The following CTNNA2 variants were observed in gnomAD, a reference collection of about 807,000 sequenced individuals.
CTNNA2 encodes the protein catenin alpha 2.
A neutral mutation model predicts 101.0 loss-of-function variants in CTNNA2; 42 were observed. The ratio of observed to expected loss-of-function variants is 0.42; its 90% CI spans 0.32 to 0.54. The LOEUF is 0.54. Ranked by LOEUF, CTNNA2 falls within the 20% of genes least tolerant of loss-of-function variation. The pLI, the probability that CTNNA2 is intolerant of heterozygous loss-of-function variation, is 0.14. For synonymous variants in CTNNA2, 450 were observed against 456.4 expected, an observed-to-expected ratio of 0.99 and a Z score of 0.18; for missense variants, 871 against 1,223.1, an observed-to-expected ratio of 0.71 and a Z score of 4.29.
At chr2:79,926,375 A>T (rs547565740) in intron 7 of CTNNA2, among the ~76,000 whole-genome samples, 1 of 152,190 alleles carries the variant, frequency 6.6e-6, no homozygotes, top group Non-Finnish European at 1.5e-5. Flanking sequence ...ATTTTGCAGC[A>T]TACATAAGTT....
At chr2:79,712,929 G>A (rs1431024878) in intron 2 of CTNNA2, among the ~76,000 whole-genome samples, 1 of 152,098 alleles carries the variant, frequency 6.6e-6, no homozygotes, top group Non-Finnish European at 1.5e-5. Context: ...ATAAGAATAC[G>A]TTAATTCTAG....
chr2:79,235,265 C>G (rs937942419), intron 2 of CTNNA2, among the ~76,000 whole-genome samples: 5 of 152,158 alleles, frequency 3.3e-5, no homozygotes, highest in African/African-American at 4.8e-5. Context: ...GGACCTTTGC[C>G]TTAGTTTTCC....
chr2:80,462,802 G>A (rs908101588), intron 9 of CTNNA2, among the ~76,000 whole-genome samples: 1 of 151,816 alleles, frequency 6.6e-6, no homozygotes, highest in East Asian at 1.9e-4. Flanking sequence ...TATCCTCAAC[G>A]GTGTCTTCTC....
intron 1 of CTNNA2, among the ~76,000 whole-genome samples, chr2:79,621,251 A>G (rs1309326545): frequency 6.6e-6 from 1 of 152,178 alleles, no homozygotes; most frequent in Non-Finnish European, 1.5e-5. Flanking sequence ...GAGGACCTAG[A>G]AGCAATGAGC....
chr2:80,436,666 G>A (rs897873559), intron 9 of CTNNA2, among the ~76,000 whole-genome samples: 3 of 152,066 alleles, frequency 2.0e-5, no homozygotes, highest in Admixed American at 1.3e-4. Flanking sequence ...GTCCAAGATC[G>A]AGGCACCAGC....
At chr2:80,027,549 AT>A (rs963606222) in intron 7 of CTNNA2, among the ~76,000 whole-genome samples, 5 of 152,182 alleles carry the variant, frequency 3.3e-5, no homozygotes, top group African/African-American at 1.2e-4. Context: ...ATAGATGCCA[AT>A]TTTACCAGCT....
At chr2:79,323,964 A>G (rs1211601684) in intron 3 of CTNNA2, among the ~76,000 whole-genome samples, 1 of 152,200 alleles carries the variant, frequency 6.6e-6, no homozygotes, top group Non-Finnish European at 1.5e-5. Flanking sequence ...AAATACAGAG[A>G]AGAGGAAAGT....
intron 1 of CTNNA2, among the ~76,000 whole-genome samples, chr2:79,631,608 G>A (rs1679699947): frequency 6.6e-6 from 1 of 152,272 alleles, no homozygotes; most frequent in African/African-American, 2.4e-5. Context: ...ACATGTACAA[G>A]AAATGCTAAC....
chr2:79,314,519 G>A (rs1031767239), intron 3 of CTNNA2, among the ~76,000 whole-genome samples: 6 of 152,200 alleles, frequency 3.9e-5, no homozygotes, highest in African/African-American at 1.4e-4. Flanking sequence ...GTTATATTGA[G>A]GATCCAGTAG....
intron 15 of CTNNA2, among the ~76,000 whole-genome samples, chr2:80,599,481 C>T (rs1284237740): frequency 6.6e-6 from 1 of 152,158 alleles, no homozygotes; most frequent in Non-Finnish European, 1.5e-5. Context: ...TAAGGGCAGC[C>T]ACACAATCTG....
At chr2:79,287,508 C>T (rs1675639203) in intron 2 of CTNNA2, among the ~76,000 whole-genome samples, 1 of 151,142 alleles carries the variant, frequency 6.6e-6, no homozygotes, top group African/African-American at 2.4e-5. Flanking sequence ...ATTGGAGTAC[C>T]CGGCCGTGTG....
chr2:79,298,456 T>A (rs142820738), intron 2 of CTNNA2, among the ~76,000 whole-genome samples: 32 of 152,238 alleles, frequency 2.1e-4, no homozygotes, highest in South Asian at 1.0e-3. Context: ...AAATTATACA[T>A]CACCGCTACA....
At chr2:80,491,257 C>A (rs1004705815) in intron 9 of CTNNA2, among the ~76,000 whole-genome samples, 1 of 152,166 alleles carries the variant, frequency 6.6e-6, no homozygotes, top group Non-Finnish European at 1.5e-5. Context: ...AGGAATTACA[C>A]GTGAGCATCC....
intron 2 of CTNNA2, among the ~76,000 whole-genome samples, chr2:79,666,982 A>T (rs1682462861): frequency 6.6e-6 from 1 of 152,092 alleles, no homozygotes; most frequent in Non-Finnish European, 1.5e-5. Flanking sequence ...TTTTTTTAAG[A>T]TCAGGAAGGA....
chr2:79,896,789 A>ATAAATTTAAAGTC (rs1684741395), intron 6 of CTNNA2, among the ~76,000 whole-genome samples: 1 of 152,240 alleles, frequency 6.6e-6, no homozygotes, highest in African/African-American at 2.4e-5. Flanking sequence ...AGAGTTAAAG[A>ATAAATTTAAAGTC]TCGTGTTTCC....
chr2:79,835,013 T>C (rs1350134633), intron 3 of CTNNA2, among the ~76,000 whole-genome samples: 1 of 152,138 alleles, frequency 6.6e-6, no homozygotes, highest in East Asian at 1.9e-4. Context: ...ATCTACTCTA[T>C]AGGTCAATTT....
rs117448089 is a variant in CTNNA2, at chr2:79,985,688, A to G, written c.1056+75891A>G. On this transcript the variant is annotated intron_variant, in intron 7 of 18. Transcript: ENST00000402739. ...ACTGTATATGTTAACGTCAATGGAA[A>G]CAGACAGCACTAGAAACAGAAGCTG... Among the ~76,000 whole-genome samples, 217 of 152,304 alleles carry G rather than the reference A, an allele frequency of 1.4e-3. 1 individual carries two copies. Among genetic ancestry groups the G allele is most frequent in the East Asian group, 0.012 (60 of 5,168 alleles).
rs191945946 is a variant in CTNNA2, at chr2:79,460,587, A to G, written c.-134-44467A>G. Among the ~76,000 whole-genome samples, 9 of 152,314 alleles carry G rather than the reference A, an allele frequency of 5.9e-5. No individual in the cohort carries two copies. The East Asian group carries it at 1.5e-3, about 26-fold the overall frequency. On this transcript the variant is annotated intron_variant, in intron 4 of 21. Coordinates refer to the CTNNA2 transcript ENST00000466387. The stretch of plus-strand genomic sequence containing the variant: ...ATTATTACTTCCTAAATAAGCTTTC[A>G]GCCTTCATTCCATCCTTTATCCACA...
At chr2:79,415,979 A>G (rs766906691) in intron 4 of CTNNA2, among the ~76,000 whole-genome samples, 7 of 137,418 alleles carry the variant, frequency 5.1e-5, no homozygotes, top group Non-Finnish European at 1.1e-4. Flanking sequence ...ATTTTATTTT[A>G]TCAGCAAGAA....
Sources: allele counts gnomAD v4.1 joint callset (sites outside exome capture counted in the v4.1 genomes callset), GRCh38; gene constraint gnomAD v4.1.1; transcripts MANE v1.5; gene names NCBI Gene and HGNC (gene_info 2026-07-23, HGNC 2026-07-21).